TNFAIP8: variants seen among roughly 807,000 people sequenced by gnomAD.
The protein encoded by TNFAIP8 is TNF alpha induced protein 8.
Under a neutral mutation model 13.3 loss-of-function variants are expected in TNFAIP8, and 7 were observed. The observed-to-expected ratio is 0.52, with a 90% CI of 0.30 to 0.99. The LOEUF (loss-of-function observed/expected upper bound fraction) is 0.99. Among genes scored for constraint, TNFAIP8 ranks in the 50% least tolerant of loss-of-function variants. The pLI, the probability that TNFAIP8 is intolerant of heterozygous loss-of-function variation, is 0.07. For synonymous variants in TNFAIP8, 94 were observed against 87.6 expected (o/e 1.07, Z -0.41); for missense variants, 258 against 236.9 (o/e 1.09, Z -0.58).
chr5:119,345,394 T>C (rs1482996978), intron 1 of TNFAIP8, among the ~76,000 whole-genome samples: 1 of 152,174 alleles, frequency 6.6e-6, no homozygotes, highest in African/African-American at 2.4e-5. Flanking sequence ...CTCAAAAGAA[T>C]TGAAAAGGCA....
intron 1 of TNFAIP8, among the ~76,000 whole-genome samples, chr5:119,302,486 C>G (rs749604326): frequency 1.3e-5 from 2 of 152,122 alleles, no homozygotes; most frequent in Non-Finnish European, 2.9e-5. Context: ...ATTCACCTGT[C>G]TTTGGGAAGG....
chr5:119,397,643 T>C lies in TNFAIP8; in HGVS notation c.*4262T>C, dbSNP rs1314655558. 1 of 152,234 alleles carries C rather than the reference T, an allele frequency of 6.6e-6. No homozygotes were observed. The highest frequency in any genetic ancestry group is 1.5e-5 in the Non-Finnish European group (1 of 68,048). 9.4% of individuals were successfully genotyped at this position (152,234 alleles called of 1,614,324 possible). A position where few individuals can be genotyped will look rare whatever the true frequency, so the allele number is the denominator to read the frequency against. ...TACTTTCTGTGATTCAGATAAAAAC[T>C]TTATAGAAACTCCCTAATGAAAATA... On this transcript the variant is annotated 3_prime_UTR_variant, in exon 2 of 2. Transcript: ENST00000504771.
At chr5:119,269,893 G>A (rs1748226751) in intron 1 of TNFAIP8, among the ~76,000 whole-genome samples, 1 of 152,126 alleles carries the variant, frequency 6.6e-6, no homozygotes, top group Non-Finnish European at 1.5e-5. Flanking sequence ...CAGCAGTATT[G>A]TACAAATAGT....
chr5:119,283,336 G>T (rs1748689857), intron 1 of TNFAIP8, among the ~76,000 whole-genome samples: 1 of 152,182 alleles, frequency 6.6e-6, no homozygotes, highest in African/African-American at 2.4e-5. Context: ...TGATGAAAAT[G>T]ATCAAGGAGT....
chr5:119,287,246 C>A (rs1053419024), intron 1 of TNFAIP8, among the ~76,000 whole-genome samples: 4 of 144,616 alleles, frequency 2.8e-5, no homozygotes, highest in Non-Finnish European at 6.0e-5. Flanking sequence ...CTTTCTGTGC[C>A]TTACTAGGAT....
chr5:119,286,066 G>T (rs1581570219), intron 1 of TNFAIP8, among the ~76,000 whole-genome samples: 1 of 152,124 alleles, frequency 6.6e-6, no homozygotes, highest in Admixed American at 6.6e-5. Flanking sequence ...TGTTTAAATT[G>T]TGTAATAAAA....
intron 1 of TNFAIP8, among the ~76,000 whole-genome samples, chr5:119,334,492 AC>A (rs111535980): frequency 0.1 from 15,858 of 151,536 alleles, 1,042 homozygotes; most frequent in African/African-American, 0.2. Flanking sequence ...CCATTATTGA[AC>A]CCTTGGCAGC....
At chr5:119,294,532 C>A (rs1749103893) in intron 1 of TNFAIP8, among the ~76,000 whole-genome samples, 3 of 152,138 alleles carry the variant, frequency 2.0e-5, no homozygotes, top group Admixed American at 1.3e-4. Context: ...TTTATAGCAG[C>A]ATGATTTATA....
chr5:119,291,470 G>A lies in TNFAIP8; in HGVS notation c.1+22563G>A, dbSNP rs183762622. 2.8e-4 allele frequency among the ~76,000 whole-genome samples: 42 copies of A among 152,342 alleles called. 1 individual carries two copies. The highest frequency in any genetic ancestry group is 6.5e-4 in the Admixed American group (10 of 15,302). Reference sequence around the variant, plus strand: ...AATCAGTTCTGCGTGCTTGGCATTTGCCATAACATTTTTAGGAAATTTGGA... The same window carrying A: ...AATCAGTTCTGCGTGCTTGGCATTTACCATAACATTTTTAGGAAATTTGGA... On this transcript the variant is annotated intron_variant, in intron 1 of 1. Coordinates refer to the TNFAIP8 transcript ENST00000274456.
At chr5:119,278,287 G>A (rs578004203) in intron 1 of TNFAIP8, among the ~76,000 whole-genome samples, 21 of 151,016 alleles carry the variant, frequency 1.4e-4, no homozygotes, top group African/African-American at 3.7e-4. Flanking sequence ...CTTTGTGGGC[G>A]GAAATAGCTT....
chr5:119,356,495 G>T (rs904696565), intron 1 of TNFAIP8, among the ~76,000 whole-genome samples: 3 of 152,202 alleles, frequency 2.0e-5, no homozygotes, highest in African/African-American at 7.2e-5. Flanking sequence ...GAAGAGCCCT[G>T]AGTGGAGGGT....
At chr5:119,326,060 A>G (rs904236477) in intron 1 of TNFAIP8, among the ~76,000 whole-genome samples, 1 of 152,216 alleles carries the variant, frequency 6.6e-6, no homozygotes, top group Non-Finnish European at 1.5e-5. Flanking sequence ...TTTGTAACAC[A>G]GGCAACCCCT....
intron 1 of TNFAIP8, among the ~76,000 whole-genome samples, chr5:119,345,933 C>T (rs1464120340): frequency 6.6e-6 from 1 of 152,098 alleles, no homozygotes; most frequent in East Asian, 1.9e-4. Context: ...AGAAGTAGTT[C>T]ACTATAATGG....
At chr5:119,273,814 C>A (rs1160383233) in intron 1 of TNFAIP8, among the ~76,000 whole-genome samples, 1 of 152,068 alleles carries the variant, frequency 6.6e-6, no homozygotes, top group East Asian at 1.9e-4. Context: ...GATTAGGCAC[C>A]GGGGCAAGGT....
At chr5:119,351,621 C>T (rs1020257669), upstream of TNFAIP8, among the ~76,000 whole-genome samples, 1 of 152,092 alleles carries the variant, frequency 6.6e-6, no homozygotes, top group African/African-American at 2.4e-5. Flanking sequence ...GTAGCCCCAT[C>T]GCTAAGTTGA....
At chr5:119,375,477 A>T (rs962938571) in intron 1 of TNFAIP8, among the ~76,000 whole-genome samples, 2 of 152,240 alleles carry the variant, frequency 1.3e-5, no homozygotes, top group Admixed American at 1.3e-4. Context: ...GTGTTATGTT[A>T]CTTGCCAAAG....
intron 1 of TNFAIP8, among the ~76,000 whole-genome samples, chr5:119,331,404 C>T (rs1750375165): frequency 6.6e-6 from 1 of 152,278 alleles, no homozygotes; most frequent in East Asian, 1.9e-4. Flanking sequence ...TTAAACAGCA[C>T]ACTTTGAATA....
At chr5:119,311,015 G>A (rs949268210) in intron 1 of TNFAIP8, among the ~76,000 whole-genome samples, 5 of 151,990 alleles carry the variant, frequency 3.3e-5, no homozygotes, top group Non-Finnish European at 7.4e-5. Flanking sequence ...TCTGTTTTTT[G>A]TTTGTTTTGT....
rs1009234417 is a variant in TNFAIP8 at position 119,394,552 on chromosome 5, C to T, written c.*1171C>T. On this transcript the variant is annotated 3_prime_UTR_variant, in exon 2 of 2. Coordinates refer to ENST00000504771, the MANE Select transcript of TNFAIP8 (RefSeq NM_014350.4). The stretch of plus-strand genomic sequence containing the variant: ...AAAATCTGCTGGCCAGCTATGTCCT[C>T]TAGGAAATGACAGACCCAACCACCA... The T allele has an allele frequency of 7.3e-5, 11 of 149,974 alleles. No individual in the cohort carries two copies. The highest frequency in any genetic ancestry group is 1.3e-4 in the Non-Finnish European group (9 of 67,862). 9.3% of individuals were successfully genotyped at this position (149,974 alleles called of 1,614,324 possible). A position where few individuals can be genotyped will look rare whatever the true frequency, so the allele number is the denominator to read the frequency against.
Sources: allele counts gnomAD v4.1 joint callset (sites outside exome capture counted in the v4.1 genomes callset), GRCh38; gene constraint gnomAD v4.1.1; transcripts MANE v1.5; gene names NCBI Gene and HGNC (gene_info 2026-07-23, HGNC 2026-07-21).